CRPPA: variants seen among roughly 807,000 people sequenced by gnomAD.
CRPPA encodes the protein CDP-L-ribitol pyrophosphorylase A.
In CRPPA, 43 loss-of-function variants were observed where a neutral mutation model predicts 52.0. The observed-to-expected ratio is 0.83, with a 90% CI of 0.65 to 1.07. The LOEUF (loss-of-function observed/expected upper bound fraction) is 1.07, where lower values mean the gene tolerates loss of function less well. Among genes scored for constraint, CRPPA ranks in the 50% least tolerant of loss-of-function variants. CRPPA has a pLI of 0.00. For missense variants in CRPPA, 629 were observed against 551.7 expected, an observed-to-expected ratio of 1.14 and a Z score of -1.40; for synonymous variants, 250 against 203.5, an observed-to-expected ratio of 1.23 and a Z score of -1.94.
chr7:16,325,866 A>T (rs1322367923), intron 3 of CRPPA, among the ~76,000 whole-genome samples: 3 of 152,076 alleles, frequency 2.0e-5, no homozygotes, highest in African/African-American at 7.2e-5. Context: ...CATCAACAGG[A>T]ATGATATTTA....
intron 9 of CRPPA, among the ~76,000 whole-genome samples, chr7:16,129,589 T>A (rs920455065): frequency 6.6e-6 from 1 of 152,084 alleles, no homozygotes; most frequent in Admixed American, 6.6e-5. Context: ...ATCATCTGTT[T>A]TTGCTCAGAA....
intron 9 of CRPPA, among the ~76,000 whole-genome samples, chr7:16,118,268 C>T (rs1782417546): frequency 6.6e-6 from 1 of 152,136 alleles, no homozygotes; most frequent in South Asian, 2.1e-4. Flanking sequence ...GGTGGTCTTA[C>T]CAAGATGGGG....
Position 16,091,710 on chromosome 7 carries a change from C to G in CRPPA, c.1341G>C (p.Gln447His). 6.4e-7 allele frequency: 1 copy of G among 1,550,692 alleles called. No individual in the cohort carries two copies. Among genetic ancestry groups the G allele is most frequent in the Non-Finnish European group, 8.7e-7 (1 of 1,144,914 alleles). ...TTTGTGTTCTTCATGCTATCAGAAG[C>G]TGACCAATGAGTCCAGAATTTCTTT... ...IKERNSGLIG[Q>H]LLIA The change falls in exon 10 of 10, where the codon CAG (glutamine) becomes CAC (histidine). Residue 447 changes from glutamine to histidine, a missense_variant. Physicochemically the swap from Gln to His is conservative, Grantham distance 24. Coordinates refer to ENST00000407010, the MANE Select transcript of CRPPA (RefSeq NM_001101426.4).
chr7:16,217,878 T>C (rs1043620852), intron 8 of CRPPA, among the ~76,000 whole-genome samples: 4 of 151,898 alleles, frequency 2.6e-5, no homozygotes, highest in East Asian at 1.9e-4. Context: ...CAGGATATTA[T>C]CCAGGAGAAT....
intron 2 of CRPPA, among the ~76,000 whole-genome samples, chr7:16,401,934 CTAAGAG>C (rs890833666): frequency 2.0e-5 from 3 of 152,100 alleles, no homozygotes; most frequent in African/African-American, 7.2e-5. Context: ...AAACAATCAC[CTAAGAG>C]TAAAACAACC....
At chr7:16,306,732 T>G (rs1462840797) in intron 4 of CRPPA, among the ~76,000 whole-genome samples, 1 of 152,152 alleles carries the variant, frequency 6.6e-6, no homozygotes, top group Non-Finnish European at 1.5e-5. Context: ...GTCAGGACCT[T>G]TAATGAAACA....
intron 1 of CRPPA, among the ~76,000 whole-genome samples, chr7:16,417,819 G>T (rs574962394): frequency 8.6e-5 from 13 of 151,992 alleles, no homozygotes; most frequent in Non-Finnish European, 1.6e-4. Context: ...TCAAATTTGG[G>T]GTATCACATA....
chr7:16,104,905 AAAAAAAAAAAG>A (rs931206055), intron 9 of CRPPA, among the ~76,000 whole-genome samples: 1 of 139,224 alleles, frequency 7.2e-6, no homozygotes, highest in African/African-American at 3.2e-5. Context: ...ATCTCAAAGA[AAAAAAAAAAAG>A]AAAAAAAAAA....
intron 9 of CRPPA, among the ~76,000 whole-genome samples, chr7:16,114,354 C>A (rs949142461): frequency 6.6e-6 from 1 of 150,912 alleles, no homozygotes; most frequent in Non-Finnish European, 1.5e-5. Flanking sequence ...AATCCCCAAA[C>A]TTCAAAGTAA....
At chr7:16,245,075 CCTCT>C (rs1583461454) in intron 8 of CRPPA, among the ~76,000 whole-genome samples, 1 of 151,598 alleles carries the variant, frequency 6.6e-6, no homozygotes, top group East Asian at 1.9e-4. Context: ...TGTGGTAGGG[CCTCT>C]TTCTTGGTTT....
chr7:16,220,736 A>C (rs1327926772), intron 8 of CRPPA, among the ~76,000 whole-genome samples: 1 of 150,486 alleles, frequency 6.6e-6, no homozygotes. Context: ...CCAACTTACA[A>C]GGGATGTGAA....
chr7:16,345,916 C>A (rs1301246305), intron 3 of CRPPA, among the ~76,000 whole-genome samples: 3 of 152,114 alleles, frequency 2.0e-5, no homozygotes, highest in Non-Finnish European at 4.4e-5. Flanking sequence ...GTTATAAAAG[C>A]TTTTGTTTAC....
chr7:16,130,850 G>A (rs911853799), intron 9 of CRPPA, among the ~76,000 whole-genome samples: 1 of 152,068 alleles, frequency 6.6e-6, no homozygotes, highest in Non-Finnish European at 1.5e-5. Flanking sequence ...TGGAGGTAAG[G>A]CCTTTGGGGG....
intron 9 of CRPPA, among the ~76,000 whole-genome samples, chr7:16,139,486 T>C (rs1332455443): frequency 6.6e-6 from 1 of 152,182 alleles, no homozygotes; most frequent in African/African-American, 2.4e-5. Flanking sequence ...AAACTTTATA[T>C]AATGAGTTTT....
rs536428768 is a variant in CRPPA, at chr7:16,256,596, C to T, written c.1119+1794G>A. On this transcript the variant is annotated intron_variant, in intron 8 of 9. Coordinates refer to ENST00000407010, the MANE Select transcript of CRPPA (RefSeq NM_001101426.4). ...TACTATGCAGCCATAAAAAAGGATGCATTCATGTCCTTTGCAGGGACATAG... is the reference window on the plus strand; with the variant it reads ...TACTATGCAGCCATAAAAAAGGATGTATTCATGTCCTTTGCAGGGACATAG... Among the ~76,000 whole-genome samples, 6 of 152,176 alleles carry T rather than the reference C, an allele frequency of 3.9e-5. No individual in the cohort carries two copies. The South Asian group carries it at 1.2e-3, about 31-fold the overall frequency.
rs1321297628 is a variant in CRPPA at position 16,421,344 on chromosome 7, C to T, written c.-22G>A. On this transcript the variant is annotated 5_prime_UTR_variant, in exon 1 of 10. Coordinates refer to ENST00000407010, the MANE Select transcript of CRPPA (RefSeq NM_001101426.4). Reference sequence around the variant, plus strand: ...CCATGGCTGCGGGCGGAACGGCGAGCCCCGCTAGCCTCGGGCCGATGCGAC... The same window carrying T: ...CCATGGCTGCGGGCGGAACGGCGAGTCCCGCTAGCCTCGGGCCGATGCGAC... 1 of 1,237,272 alleles carries T rather than the reference C, an allele frequency of 8.1e-7. No homozygotes were observed. The highest frequency in any genetic ancestry group is 1.0e-6 in the Non-Finnish European group (1 of 988,782). The allele number at this position is 1,237,272 out of a possible 1,614,324, so 76.6% of individuals were successfully genotyped here. A position where few individuals can be genotyped will look rare whatever the true frequency, so the allele number is the denominator to read the frequency against.
chr7:16,250,721 G>A (rs1191540526), intron 8 of CRPPA, among the ~76,000 whole-genome samples: 1 of 152,186 alleles, frequency 6.6e-6, no homozygotes, highest in Non-Finnish European at 1.5e-5. Context: ...GCTCCTGAAG[G>A]AAGCACTAAA....
chr7:16,375,161 T>A (rs1395661880), intron 3 of CRPPA, among the ~76,000 whole-genome samples: 1 of 152,206 alleles, frequency 6.6e-6, no homozygotes, highest in Non-Finnish European at 1.5e-5. Context: ...ATGGATCAGC[T>A]TGTATCTGAT....
At chr7:16,091,950 G>A (rs567726575) in intron 9 of CRPPA, among the ~76,000 whole-genome samples, 151 bp from the exon 10 acceptor site, 6 of 152,250 alleles carry the variant, frequency 3.9e-5, no homozygotes, top group East Asian at 1.9e-4. Context: ...ACGGTTCCCC[G>A]AATAAAGAGG....
Sources: allele counts gnomAD v4.1 joint callset (sites outside exome capture counted in the v4.1 genomes callset), GRCh38; gene constraint gnomAD v4.1.1; transcripts MANE v1.5; gene names NCBI Gene and HGNC (gene_info 2026-07-23, HGNC 2026-07-21).